SATL1: variants seen among roughly 807,000 people sequenced by gnomAD.
The protein encoded by SATL1 is spermidine/spermine N(1)-acetyltransferase-like protein 1.
SATL1 carries 47 observed loss-of-function variants against 51.8 expected under a neutral mutation model. The observed-to-expected ratio is 0.91, with a 90% CI of 0.72 to 1.16. The LOEUF is 1.16. Among genes scored for constraint, SATL1 ranks in the 50% most tolerant of loss-of-function variants. The pLI is 0.00. For missense variants in SATL1, 520 were observed against 526.4 expected (o/e 0.99, Z 0.12); for synonymous variants, 176 against 182.4 (o/e 0.97, Z 0.28).
intron 2 of SATL1, among the ~76,000 whole-genome samples, chrX:85,203,960 A>T (rs1927739356): frequency 8.9e-6 from 1 of 111,933 alleles, no homozygotes; most frequent in Non-Finnish European, 1.9e-5. Flanking sequence ...CACTTTGCCA[A>T]AGCTGCAGCT....
At chrX:85,125,498 G>A (rs958474112) in intron 2 of SATL1, among the ~76,000 whole-genome samples, 8 of 96,132 alleles carry the variant, frequency 8.3e-5, no homozygotes, top group Non-Finnish European at 1.6e-4. Context: ...TCTTCCACTT[G>A]AAGGTAAAAA....
At chrX:85,117,559 C>G (rs1235995851) in intron 2 of SATL1, 1 of 110,064 alleles carries the variant, frequency 9.1e-6, no homozygotes, top group African/African-American at 3.3e-5. Flanking sequence ...CTGTAAGATT[C>G]AAACAGGAAG....
At chrX:85,128,157 T>C (rs1458612935) in intron 2 of SATL1, among the ~76,000 whole-genome samples, 1 of 111,778 alleles carries the variant, frequency 8.9e-6, no homozygotes, top group African/African-American at 3.3e-5. Flanking sequence ...TTTGGGTATA[T>C]ACCCAGTAAT....
Position 85,107,326 on chromosome X carries a change from A to G in SATL1, c.1641+2T>C, listed in dbSNP as rs375536211. 8.3e-7 allele frequency: 1 copy of G among 1,203,774 alleles called. No homozygotes were observed. Among genetic ancestry groups the G allele is most frequent in the African/African-American group, 1.7e-5 (1 of 57,750 alleles). On this transcript the variant is annotated splice_donor_variant, in intron 3 of 7. Transcript: ENST00000644105. LOFTEE classifies it high-confidence loss of function. ...GGCTCCATGTAATAAAAATAGGCTT[A>G]CTTTAATCAGTCGCAAAATTTCTGG...
intron 2 of SATL1, 105 bp from the exon 3 acceptor site, chrX:85,109,385 C>T: frequency 5.4e-6 from 1 of 186,337 alleles, no homozygotes; most frequent in Non-Finnish European, 9.9e-6. Context: ...GGTCACAATG[C>T]AGGTATCAAA....
chrX:85,118,321 T>C (rs998396125), intron 2 of SATL1: 2 of 109,808 alleles, frequency 1.8e-5, no homozygotes, highest in African/African-American at 6.6e-5. Flanking sequence ...CCCAATACTT[T>C]AGTTAAAGTT....
intron 2 of SATL1, among the ~76,000 whole-genome samples, chrX:85,204,989 C>T: frequency 8.9e-6 from 1 of 111,957 alleles, no homozygotes; most frequent in South Asian, 3.8e-4. Context: ...ACAAAGATAA[C>T]AAAAGGCAGT....
intron 2 of SATL1, chrX:85,207,363 A>C (rs947128272): frequency 3.1e-4 from 35 of 111,560 alleles, no homozygotes; most frequent in African/African-American, 1.1e-3. Context: ...TCAAATACAC[A>C]GGGCTCCTAC....
intron 2 of SATL1, among the ~76,000 whole-genome samples, chrX:85,222,485 T>C (rs1314054109): frequency 1.8e-5 from 2 of 111,374 alleles, no homozygotes; most frequent in African/African-American, 6.5e-5. Flanking sequence ...TACCTGACTT[T>C]TCCAAACTTT....
At chrX:85,130,980 G>A (rs1478819500) in intron 2 of SATL1, among the ~76,000 whole-genome samples, 1 of 112,109 alleles carries the variant, frequency 8.9e-6, no homozygotes, top group African/African-American at 3.2e-5. Flanking sequence ...TTAATCCTGA[G>A]TTCTAATTTG....
At chrX:85,234,557 A>T (rs1228499406) in intron 1 of SATL1, among the ~76,000 whole-genome samples, 3 of 112,110 alleles carry the variant, frequency 2.7e-5, no homozygotes, top group Non-Finnish European at 5.7e-5. Context: ...AAATGGGGAC[A>T]CAAAGCTAAA....
At chrX:85,141,872 AT>A (rs1293552073) in intron 2 of SATL1, among the ~76,000 whole-genome samples, 21 of 108,415 alleles carry the variant, frequency 1.9e-4, no homozygotes, top group African/African-American at 6.4e-4. Flanking sequence ...AACTCAAATA[AT>A]TATTTGTCTC....
intron 2 of SATL1, among the ~76,000 whole-genome samples, chrX:85,205,352 T>C (rs1927772213): frequency 8.9e-6 from 1 of 112,181 alleles, no homozygotes; most frequent in South Asian, 3.7e-4. Context: ...GTCCTCATAG[T>C]ATTTACATTC....
At chrX:85,140,403 G>C (rs1926081125) in intron 2 of SATL1, among the ~76,000 whole-genome samples, 1 of 111,825 alleles carries the variant, frequency 8.9e-6, no homozygotes, top group Non-Finnish European at 1.9e-5. Flanking sequence ...CTTTTCAAAA[G>C]AGGAAACTGA....
At chrX:85,159,316 T>C (rs1248936053) in intron 2 of SATL1, among the ~76,000 whole-genome samples, 3 of 111,961 alleles carry the variant, frequency 2.7e-5, no homozygotes, top group African/African-American at 6.5e-5. Flanking sequence ...CTCCTGGCCA[T>C]GGACCCATAC....
intron 4 of SATL1, among the ~76,000 whole-genome samples, chrX:85,097,690 T>A (rs1279705581): frequency 8.9e-6 from 1 of 111,895 alleles, no homozygotes; most frequent in Non-Finnish European, 1.9e-5. Context: ...ATCCCTGACA[T>A]CAATAACAGA....
At chrX:85,211,021 G>A (rs1424300518) in intron 2 of SATL1, 2 of 111,189 alleles carry the variant, frequency 1.8e-5, no homozygotes, top group African/African-American at 6.5e-5. Flanking sequence ...CCTCAAGGGT[G>A]GTTGTGGGCA....
intron 4 of SATL1, among the ~76,000 whole-genome samples, chrX:85,100,858 T>C (rs748195459): frequency 1.8e-4 from 20 of 111,837 alleles, no homozygotes; most frequent in Middle Eastern, 4.7e-3. Flanking sequence ...AGGACAGACA[T>C]ATAGACCAAG....
chrX:85,155,478 A>G (rs748469369), intron 2 of SATL1, among the ~76,000 whole-genome samples: 5 of 111,985 alleles, frequency 4.5e-5, no homozygotes, highest in African/African-American at 1.6e-4. Context: ...AAATGAAATA[A>G]TTAATGAAAA....
Sources: gnomAD v4.1 joint callset for allele counts (sites outside exome capture counted in the v4.1 genomes callset) on GRCh38, gnomAD v4.1.1 for gene constraint, MANE v1.5 for transcripts, NCBI Gene and HGNC (gene_info 2026-07-23, HGNC 2026-07-21) for gene names.